The following PIK3CA variants were observed in gnomAD, a reference collection of about 807,000 sequenced individuals.
PIK3CA encodes phosphatidylinositol-4,5-bisphosphate 3-kinase catalytic subunit alpha.
PIK3CA carries 27 observed loss-of-function variants against 138.2 expected under a neutral mutation model. The observed-to-expected ratio is 0.20, with a 90% CI of 0.14 to 0.27. The LOEUF (loss-of-function observed/expected upper bound fraction) is 0.27. Ranked by LOEUF, PIK3CA falls within the 10% of genes least tolerant of loss-of-function variation. PIK3CA has a pLI of 1.00. For synonymous variants in PIK3CA, 358 were observed against 413.2 expected (o/e 0.87, Z 1.62); for missense variants, 544 against 1,277.4 (o/e 0.43, Z 8.75).
At chr3:179,191,534 C>T (rs911358015) in intron 1 of PIK3CA, among the ~76,000 whole-genome samples, 30 of 152,148 alleles carry the variant, frequency 2.0e-4, no homozygotes, top group African/African-American at 7.2e-4. Flanking sequence ...GCCAATTGTG[C>T]TGAGGTATGC....
rs1177480018 is a variant in PIK3CA at position 179,193,173 on chromosome 3, AAGTACTTCCTTCCTAAAT to A, written c.-76-5575_-76-5558del. On this transcript the variant is annotated intron_variant, in intron 1 of 20. Transcript: ENST00000263967. ...GCCTTCTGAGAACCAAAAGATTTTT[AAGTACTTCCTTCCTAAAT>A]ACAGTAACTTTTAACAGTAATTTTA... Among the ~76,000 whole-genome samples the A allele has an allele frequency of 7.9e-5, 12 of 152,340 alleles. No homozygotes were observed. The East Asian group carries it at 2.1e-3, about 27-fold the overall frequency.
chr3:179,209,131 A>C (rs1278888772), intron 6 of PIK3CA, among the ~76,000 whole-genome samples: 4 of 151,494 alleles, frequency 2.6e-5, no homozygotes, highest in African/African-American at 9.7e-5. Context: ...TCAGTCACAA[A>C]GTAAATACCC....
chr3:179,155,903 C>T (rs146631350), intron 1 of PIK3CA, among the ~76,000 whole-genome samples: 191 of 152,294 alleles, frequency 1.3e-3, no homozygotes, highest in African/African-American at 4.1e-3. Context: ...TCAGAAAACA[C>T]GGTTTTTCCA....
intron 17 of PIK3CA, among the ~76,000 whole-genome samples, chr3:179,226,348 A>G (rs1725082148): frequency 6.6e-6 from 1 of 152,154 alleles, no homozygotes; most frequent in Non-Finnish European, 1.5e-5. Context: ...AAGAGTTTAA[A>G]AGAAAGTTTC....
At chr3:179,154,959 T>C (rs964906953) in intron 1 of PIK3CA, among the ~76,000 whole-genome samples, 8 of 152,190 alleles carry the variant, frequency 5.3e-5, no homozygotes, top group Non-Finnish European at 5.9e-5. Context: ...TAGGGATTTT[T>C]AAAAATCTAT....
rs1438499814 is a variant in PIK3CA, at chr3:179,235,046, ATT to A, written c.*692_*693del. 3 of 175,346 alleles carry A rather than the reference ATT, an allele frequency of 1.7e-5. No individual in the cohort carries two copies. The highest frequency in any genetic ancestry group is 2.3e-5 in the Non-Finnish European group (2 of 85,960). The allele number at this position is 175,346 out of a possible 1,614,324, so 10.9% of individuals were successfully genotyped here. A position where few individuals can be genotyped will look rare whatever the true frequency, so the allele number is the denominator to read the frequency against. On this transcript the variant is annotated 3_prime_UTR_variant, in exon 21 of 21. Transcript: ENST00000263967. ...CAAATGAGACCTGTTATAAGGTGGTATTTTTTTTTTTCTTCTGGACAGTATTT... is the reference window on the plus strand; with the variant it reads ...CAAATGAGACCTGTTATAAGGTGGTATTTTTTTTTCTTCTGGACAGTATTT...
At chr3:179,209,417 A>C (rs1467090430) in intron 6 of PIK3CA, among the ~76,000 whole-genome samples, 178 bp from the exon 7 acceptor site, 1 of 151,828 alleles carries the variant, frequency 6.6e-6, no homozygotes, top group Non-Finnish European at 1.5e-5. Context: ...ACTAATAATG[A>C]CTCCCTTTTC....
At chr3:179,177,838 A>G (rs996610501) in intron 1 of PIK3CA, among the ~76,000 whole-genome samples, 10 of 152,188 alleles carry the variant, frequency 6.6e-5, no homozygotes, top group Admixed American at 4.6e-4. Context: ...GTTTTTGCTC[A>G]TCAAAAGACA....
Position 179,203,472 on chromosome 3 carries a change from T to C in PIK3CA, c.814-72T>C, listed in dbSNP as rs772145347. On this transcript the variant is annotated intron_variant, in intron 4 of 20. Transcript: ENST00000263967. Reference sequence around the variant, plus strand: ...ACCTTTGCAGATTAATATGTAGTCATAATACTCTGACATGTTACTTTTAAA... The same window carrying C: ...ACCTTTGCAGATTAATATGTAGTCACAATACTCTGACATGTTACTTTTAAA... The C allele has an allele frequency of 3.0e-4, 411 of 1,388,154 alleles. 1 individual carries two copies. The highest frequency in any genetic ancestry group is 1.1e-3 in the South Asian group (76 of 71,424). The allele number at this position is 1,388,154 out of a possible 1,614,324, so 86.0% of individuals were successfully genotyped here.
In PIK3CA at chr3:179,219,359, A is replaced by T. The variant is rs1221997530; in HGVS notation, c.1746+82A>T. 1.1e-5 allele frequency: 10 copies of T among 899,690 alleles called. No homozygotes were observed. Among genetic ancestry groups the T allele is most frequent in the Non-Finnish European group, 1.8e-5 (10 of 557,204 alleles). 55.7% of individuals were successfully genotyped at this position (899,690 alleles called of 1,614,324 possible). ...AATTGTTTTCTCTCAGAAAGTCCAC[A>T]TAAATAAATGAAATAGACTAATAGT... On this transcript the variant is annotated intron_variant, in intron 11 of 20. Coordinates refer to ENST00000263967, the MANE Select transcript of PIK3CA (RefSeq NM_006218.4). The surrounding 1 kb of genome is among the most constrained non-coding windows in gnomAD (Gnocchi z 4.2).
rs370717511 is a variant in PIK3CA at position 179,232,736 on chromosome 3, G to C, written c.2937-1358G>C. Among the ~76,000 whole-genome samples the C allele has an allele frequency of 2.6e-5, 4 of 152,028 alleles. No homozygotes were observed. In the East Asian group the frequency reaches 7.7e-4, roughly 29 times the overall value. Reference sequence around the variant, plus strand: ...TAGGTATTTTTTTGAAGCTAAAAGGGCTTGTGTTCTTAATTTGATTCTCAG... The same window carrying C: ...TAGGTATTTTTTTGAAGCTAAAAGGCCTTGTGTTCTTAATTTGATTCTCAG... On this transcript the variant is annotated intron_variant, in intron 20 of 20. Transcript: ENST00000263967.
chr3:179,175,577 A>G (rs549333708), intron 1 of PIK3CA, among the ~76,000 whole-genome samples: 2 of 150,392 alleles, frequency 1.3e-5, no homozygotes, highest in Non-Finnish European at 3.0e-5. Context: ...TCTCTCTGGA[A>G]CTCCTACTAG....
chr3:179,182,076 T>C (rs1031544980), intron 1 of PIK3CA, among the ~76,000 whole-genome samples: 9 of 152,214 alleles, frequency 5.9e-5, no homozygotes, highest in Non-Finnish European at 5.9e-5. Context: ...TACTCCCTAG[T>C]GACGGCTTAA....
intron 1 of PIK3CA, among the ~76,000 whole-genome samples, chr3:179,168,819 G>A (rs1723480820): frequency 6.6e-6 from 1 of 151,954 alleles, no homozygotes; most frequent in Non-Finnish European, 1.5e-5. Flanking sequence ...TTTCCCAAAT[G>A]TCTAGCCGTT....
intron 1 of PIK3CA, among the ~76,000 whole-genome samples, chr3:179,156,402 A>C (rs528781241): frequency 3.3e-5 from 5 of 152,206 alleles, no homozygotes; most frequent in African/African-American, 1.2e-4. Context: ...AGCACCCTTA[A>C]TAGCCACTGG....
chr3:179,190,672 G>A (rs1218843748), intron 1 of PIK3CA, among the ~76,000 whole-genome samples: 7 of 152,028 alleles, frequency 4.6e-5, no homozygotes, highest in South Asian at 4.2e-4. Context: ...GGTTGTAGGG[G>A]GGTGAAAGAA....
At chr3:179,170,783 G>A (rs1723540793) in intron 1 of PIK3CA, among the ~76,000 whole-genome samples, 1 of 152,100 alleles carries the variant, frequency 6.6e-6, no homozygotes, top group South Asian at 2.1e-4. Context: ...CTTAAGAGAG[G>A]CACAAAATGC....
chr3:179,157,121 C>T (rs1357543617), intron 1 of PIK3CA, among the ~76,000 whole-genome samples: 1 of 152,084 alleles, frequency 6.6e-6, no homozygotes, highest in Non-Finnish European at 1.5e-5. Context: ...TACATGACAG[C>T]AGGGAAAGGA....
chr3:179,177,469 C>T (rs145563689), intron 1 of PIK3CA, among the ~76,000 whole-genome samples: 4,463 of 152,078 alleles, frequency 0.029, 88 homozygotes, highest in African/African-American at 0.051. Context: ...TCTGCCACCA[C>T]ACCCAGCTAA....
Sources: gnomAD v4.1 joint callset for allele counts (sites outside exome capture counted in the v4.1 genomes callset) on GRCh38, gnomAD v4.1.1 for gene constraint, Gnocchi (gnomAD v3.1) non-coding constraint, MANE v1.5 for transcripts, NCBI Gene and HGNC (gene_info 2026-07-23, HGNC 2026-07-21) for gene names.